CLOCK: variants seen among roughly 807,000 people sequenced by gnomAD.
CLOCK encodes clock circadian regulator.
CLOCK carries 43 observed loss-of-function variants against 118.4 expected under a neutral mutation model. The ratio of observed to expected loss-of-function variants is 0.36; its 90% confidence interval spans 0.28 to 0.47. The LOEUF (loss-of-function observed/expected upper bound fraction) is 0.47, where lower values mean the gene tolerates loss of function less well. Ranked by LOEUF, CLOCK falls within the 20% of genes least tolerant of loss-of-function variation. The pLI is 1.00. For missense variants in CLOCK, 846 were observed against 999.9 expected, an observed-to-expected ratio of 0.85 and a Z score of 2.08; for synonymous variants, 326 against 339.2, an observed-to-expected ratio of 0.96 and a Z score of 0.43.
At chr4:55,502,035 C>T (rs1251417199) in intron 2 of CLOCK, among the ~76,000 whole-genome samples, 6 of 152,060 alleles carry the variant, frequency 3.9e-5, no homozygotes, top group Admixed American at 1.3e-4. Flanking sequence ...TGTTTTTACA[C>T]GTAAAATAAC....
At chr4:55,505,087 G>A (rs927469630) in intron 2 of CLOCK, among the ~76,000 whole-genome samples, 3 of 151,670 alleles carry the variant, frequency 2.0e-5, no homozygotes, top group Non-Finnish European at 4.4e-5. Context: ...GAAGGCTGAG[G>A]CAGAGGTTGC....
intron 13 of CLOCK, among the ~76,000 whole-genome samples, chr4:55,455,051 T>C (rs1285493705): frequency 6.6e-6 from 1 of 152,168 alleles, no homozygotes; most frequent in Non-Finnish European, 1.5e-5. Flanking sequence ...AATGCTATTA[T>C]ACAACCTGCT....
chr4:55,451,920 C>G (rs1372527100), intron 15 of CLOCK, among the ~76,000 whole-genome samples: 1 of 152,164 alleles, frequency 6.6e-6, no homozygotes, highest in East Asian at 1.9e-4. Flanking sequence ...GTAGAAGGTA[C>G]TTTATAACAT....
intron 1 of CLOCK, chr4:55,545,641 G>C (rs539912295): frequency 6.6e-6 from 1 of 152,214 alleles, no homozygotes; most frequent in African/African-American, 2.4e-5. Flanking sequence ...CCAGGTCAGA[G>C]ACTAGGCTTT....
At chr4:55,507,801 C>T (rs781279037) in intron 2 of CLOCK, among the ~76,000 whole-genome samples, 10 of 152,072 alleles carry the variant, frequency 6.6e-5, no homozygotes, top group African/African-American at 9.7e-5. Context: ...TTTCACTGGA[C>T]ACTTACTGTG....
At chr4:55,453,467 C>T (rs147186895) in intron 14 of CLOCK, 7 of 497,804 alleles carry the variant, frequency 1.4e-5, no homozygotes, top group Middle Eastern at 1.0e-3. Flanking sequence ...CTGTAAAGCA[C>T]AAAATTTATA....
chr4:55,473,463 T>TA (rs1726284456), intron 7 of CLOCK, among the ~76,000 whole-genome samples: 1 of 152,224 alleles, frequency 6.6e-6, no homozygotes, highest in Non-Finnish European at 1.5e-5. Flanking sequence ...TTTCGTATGG[T>TA]AACATTTCTG....
intron 7 of CLOCK, among the ~76,000 whole-genome samples, chr4:55,471,499 GA>G (rs779683955): frequency 3.5e-4 from 54 of 152,162 alleles, no homozygotes; most frequent in Non-Finnish European, 7.1e-4. Flanking sequence ...ACTAATTAAG[GA>G]AGTTAATGGG....
intron 1 of CLOCK, among the ~76,000 whole-genome samples, chr4:55,513,735 T>G (rs1577833685): frequency 6.6e-6 from 1 of 152,284 alleles, no homozygotes; most frequent in East Asian, 1.9e-4. Flanking sequence ...AATAAAATTG[T>G]GAAGAACTGA....
At chr4:55,497,802 TC>T (rs1728182051) in intron 2 of CLOCK, among the ~76,000 whole-genome samples, 1 of 152,148 alleles carries the variant, frequency 6.6e-6, no homozygotes, top group Non-Finnish European at 1.5e-5. Context: ...AGCACATATT[TC>T]CCCTTTTGGA....
intron 1 of CLOCK, among the ~76,000 whole-genome samples, chr4:55,532,856 A>G (rs1730641838): frequency 6.6e-6 from 1 of 152,024 alleles, no homozygotes; most frequent in Non-Finnish European, 1.5e-5. Context: ...AAACAAAGAA[A>G]AGGGGTCGGG....
chr4:55,445,008 A>C (rs1202633243), intron 18 of CLOCK, among the ~76,000 whole-genome samples: 2 of 152,122 alleles, frequency 1.3e-5, no homozygotes, highest in Non-Finnish European at 2.9e-5. Flanking sequence ...AAAGTTATCC[A>C]CATCAGTAGG....
chr4:55,480,747 C>T (rs1159560923), intron 4 of CLOCK, among the ~76,000 whole-genome samples: 5 of 151,812 alleles, frequency 3.3e-5, no homozygotes, highest in East Asian at 1.9e-4. Flanking sequence ...AAAACTTAGC[C>T]GGGCGTGGTG....
At chr4:55,508,098 G>A (rs1728922755) in intron 2 of CLOCK, among the ~76,000 whole-genome samples, 1 of 152,164 alleles carries the variant, frequency 6.6e-6, no homozygotes, top group Non-Finnish European at 1.5e-5. Flanking sequence ...ACCTGCCTGT[G>A]TCTGACTACA....
chr4:55,533,573 G>T (rs1438575149), intron 1 of CLOCK, among the ~76,000 whole-genome samples: 2 of 152,056 alleles, frequency 1.3e-5, no homozygotes, highest in Non-Finnish European at 2.9e-5. Context: ...CCATATCACT[G>T]ACTAAAGATT....
rs184677524 is a variant in CLOCK, at chr4:55,495,434, T to C, written c.-135-5969A>G. Among the ~76,000 whole-genome samples the C allele has an allele frequency of 8.5e-5, 13 of 152,304 alleles. No homozygotes were observed. The East Asian group carries it at 2.3e-3, about 27-fold the overall frequency. Reference sequence around the variant, plus strand: ...GAGATAAAATATATTTACTCTCCCATATCTCAGATGACCAAGCCCTGTTGG... The same window carrying C: ...GAGATAAAATATATTTACTCTCCCACATCTCAGATGACCAAGCCCTGTTGG... On this transcript the variant is annotated intron_variant, in intron 2 of 22. Transcript: ENST00000513440.
rs76334428 is a variant in CLOCK, at chr4:55,435,110, G to T, written c.*305C>A. 4,015 of 381,380 alleles carry T rather than the reference G, an allele frequency of 0.011. 27 individuals are homozygous for T. The highest frequency in any genetic ancestry group is 0.013 in the Admixed American group (350 of 26,348). The allele number at this position is 381,380 out of a possible 1,614,324, so 23.6% of individuals were successfully genotyped here. ...TTAGTGCCTTTCTGATTCCCTGGAGGTCATTTCATAGCTGAGCTTCTTAAT... is the reference window on the plus strand; with the variant it reads ...TTAGTGCCTTTCTGATTCCCTGGAGTTCATTTCATAGCTGAGCTTCTTAAT... On this transcript the variant is annotated 3_prime_UTR_variant, in exon 23 of 23. Coordinates refer to ENST00000513440, the MANE Select transcript of CLOCK (RefSeq NM_004898.4).
chr4:55,470,557 G>C (rs541438575), intron 8 of CLOCK, among the ~76,000 whole-genome samples, 160 bp downstream of exon 8: 1 of 152,282 alleles, frequency 6.6e-6, no homozygotes, highest in African/African-American at 2.4e-5. Context: ...TTATGACTGA[G>C]CTGAGAAAAC....
chr4:55,541,558 A>G (rs1392161742), intron 1 of CLOCK, among the ~76,000 whole-genome samples: 1 of 152,226 alleles, frequency 6.6e-6, no homozygotes, highest in Non-Finnish European at 1.5e-5. Context: ...TTGACACAGC[A>G]CTAGAAGTAA....
Sources: allele counts gnomAD v4.1 joint callset (sites outside exome capture counted in the v4.1 genomes callset), GRCh38; gene constraint gnomAD v4.1.1; transcripts MANE v1.5; gene names NCBI Gene and HGNC (gene_info 2026-07-23, HGNC 2026-07-21).